The following ODR4 variants were observed in gnomAD, a reference collection of about 807,000 sequenced individuals.
ODR4 encodes protein odr-4 homolog.
In ODR4, 47 loss-of-function variants were observed where a neutral mutation model predicts 60.2. The ratio of observed to expected loss-of-function variants is 0.78; its 90% confidence interval spans 0.62 to 1.00. The LOEUF is 1.00. Ranked by LOEUF, ODR4 falls within the 50% of genes least tolerant of loss-of-function variation. The probability of loss-of-function intolerance (pLI) is 0.00; values close to 1 mark genes in which losing one functional copy is unlikely to be tolerated. For synonymous variants in ODR4, 178 were observed against 175.5 expected (o/e 1.01, Z -0.11); for missense variants, 488 against 530.8 (o/e 0.92, Z 0.79).
At chr1:186,433,736 A>G in the ODR4 span, among the ~76,000 whole-genome samples, 10 of 152,116 alleles carry the variant, frequency 6.6e-5, no homozygotes, top group South Asian at 1.7e-3. Flanking sequence ...GCCTGCCACC[A>G]CACCTGGCTA....
chr1:186,393,740 G>C (rs1660557678), intron 8 of ODR4, among the ~76,000 whole-genome samples: 1 of 152,212 alleles, frequency 6.6e-6, no homozygotes, highest in Non-Finnish European at 1.5e-5. Context: ...TGTTGCTTTA[G>C]AGGAATGAAA....
intron 1 of ODR4, among the ~76,000 whole-genome samples, chr1:186,376,636 C>A (rs185771874): frequency 6.6e-5 from 10 of 152,240 alleles, no homozygotes; most frequent in Admixed American, 1.3e-4. Context: ...TTTGTAATAA[C>A]TAAGGAAAAA....
intron 13 of ODR4, 62 bp from the exon 14 acceptor site, chr1:186,418,947 T>G: frequency 1.4e-6 from 2 of 1,396,830 alleles, no homozygotes; most frequent in Non-Finnish European, 2.0e-6. Context: ...GAGCCTAGGA[T>G]TAGTTTGGCC....
In ODR4 at chr1:186,412,947, A is replaced by G. The variant is rs149570805; in HGVS notation, c.1187-4597A>G. On this transcript the variant is annotated intron_variant, in intron 12 of 13. Coordinates refer to ENST00000287859, the MANE Select transcript of ODR4 (RefSeq NM_017847.6). ...AGTATGAAAATGTCTTATAATATGTATAAGTTTTCCTAAATATTTGAAATT... is the reference window on the plus strand; with the variant it reads ...AGTATGAAAATGTCTTATAATATGTGTAAGTTTTCCTAAATATTTGAAATT... Among the ~76,000 whole-genome samples, 1,035 of 152,270 alleles carry G rather than the reference A, an allele frequency of 6.8e-3. 18 individuals carry two copies. Among genetic ancestry groups the G allele is most frequent in the African/African-American group, 0.024 (997 of 41,562 alleles).
At chr1:186,415,747 A>G (rs765745713) in intron 12 of ODR4, among the ~76,000 whole-genome samples, 11 of 152,250 alleles carry the variant, frequency 7.2e-5, no homozygotes, top group Non-Finnish European at 1.6e-4. Context: ...TGAGGATGCT[A>G]TCAGTTCACA....
chr1:186,422,696 T>C (rs563064121), downstream of ODR4, among the ~76,000 whole-genome samples: 10 of 152,282 alleles, frequency 6.6e-5, no homozygotes, highest in African/African-American at 2.4e-4. Flanking sequence ...TTACAAGTAA[T>C]ATATATTTTT....
chr1:186,382,747 C>T (rs1372952022), intron 2 of ODR4, among the ~76,000 whole-genome samples: 1 of 152,094 alleles, frequency 6.6e-6, no homozygotes. Context: ...TTTTTAGGGA[C>T]CACTCCATGA....
intron 13 of ODR4, 36 bp downstream of exon 13, chr1:186,417,690 ATATT>A: frequency 1.8e-6 from 2 of 1,088,080 alleles, no homozygotes; most frequent in South Asian, 1.4e-5. Context: ...CACTGAAAAC[ATATT>A]TAGATTTGAG....
At chr1:186,408,718 A>C (rs1661264431) in intron 12 of ODR4, among the ~76,000 whole-genome samples, 1 of 151,016 alleles carries the variant, frequency 6.6e-6, no homozygotes, top group Admixed American at 6.6e-5. Flanking sequence ...GTTTATATAT[A>C]ATTTTTTGAA....
chr1:186,408,659 CA>C (rs1382203635), intron 12 of ODR4, among the ~76,000 whole-genome samples: 9 of 148,968 alleles, frequency 6.0e-5, no homozygotes, highest in Admixed American at 4.7e-4. Flanking sequence ...ATAATATAAA[CA>C]ATATACAAAA....
intron 12 of ODR4, among the ~76,000 whole-genome samples, chr1:186,406,996 T>A (rs188879761): frequency 3.3e-4 from 50 of 152,288 alleles, no homozygotes; most frequent in African/African-American, 1.1e-3. Flanking sequence ...AATAGGGTGT[T>A]TGATTCAGAG....
chr1:186,389,293 A>G (rs1660366372), intron 5 of ODR4, among the ~76,000 whole-genome samples: 1 of 152,190 alleles, frequency 6.6e-6, no homozygotes, highest in African/African-American at 2.4e-5. Context: ...ATATTTGAGA[A>G]GAATCTCACG....
chr1:186,406,006 A>G (rs1428190943), intron 11 of ODR4, 77 bp from the exon 12 acceptor site: 1 of 1,006,380 alleles, frequency 9.9e-7, no homozygotes, highest in Non-Finnish European at 1.4e-6. Context: ...TAGTTTTTGT[A>G]TGTACTTCTA....
chr1:186,398,039 C>T (rs141538968), intron 9 of ODR4, among the ~76,000 whole-genome samples: 65 of 151,998 alleles, frequency 4.3e-4, no homozygotes, highest in African/African-American at 1.5e-3. Context: ...AGGAGCATAT[C>T]GAGTGAATAT....
At chr1:186,383,680 T>G (rs962615276) in intron 3 of ODR4, among the ~76,000 whole-genome samples, 45 of 145,434 alleles carry the variant, frequency 3.1e-4, no homozygotes, top group Non-Finnish European at 2.2e-4. Context: ...TGTATGTAGA[T>G]ATATATATAT....
chr1:186,412,149 C>T (rs1661403033), intron 12 of ODR4, among the ~76,000 whole-genome samples: 1 of 152,138 alleles, frequency 6.6e-6, no homozygotes, highest in African/African-American at 2.4e-5. Flanking sequence ...AAGAAGCCCA[C>T]AGTGCAATGG....
At chr1:186,417,358 T>A (rs1661612140) in intron 12 of ODR4, 186 bp from the exon 13 acceptor site, 1 of 527,636 alleles carries the variant, frequency 1.9e-6, no homozygotes, top group South Asian at 2.4e-5. Context: ...AACTGTTAAT[T>A]TGACGTATAT....
At chr1:186,416,400 G>C (rs1041827041) in intron 12 of ODR4, among the ~76,000 whole-genome samples, 2 of 152,082 alleles carry the variant, frequency 1.3e-5, no homozygotes, top group Admixed American at 1.3e-4. Context: ...GGCCAGGTGT[G>C]ATGGCTCATG....
intron 5 of ODR4, 80 bp from the exon 6 acceptor site, chr1:186,389,508 T>C (rs1011054672): frequency 2.5e-5 from 28 of 1,128,700 alleles, no homozygotes; most frequent in African/African-American, 2.1e-4. Context: ...GTGCATTTTT[T>C]AGTTTATTTT....
Sources: allele counts gnomAD v4.1 joint callset (sites outside exome capture counted in the v4.1 genomes callset), GRCh38; gene constraint gnomAD v4.1.1; transcripts MANE v1.5; gene names NCBI Gene and HGNC (gene_info 2026-07-23, HGNC 2026-07-21).